Variants in EPC2 observed in about 807,000 individuals in gnomAD.
EPC2 encodes the protein enhancer of polycomb 2.
EPC2 carries 14 observed loss-of-function variants against 92.1 expected under a neutral mutation model. That is an observed-to-expected ratio of 0.15 (90% CI 0.10 to 0.24). The LOEUF (loss-of-function observed/expected upper bound fraction) is 0.24. EPC2 is among the 10% of genes least tolerant of loss of function. The pLI is 1.00. For missense variants in EPC2, 755 were observed against 971.5 expected (o/e 0.78, Z 2.96); for synonymous variants, 340 against 334.7 (o/e 1.02, Z -0.17).
At chr2:148,732,197 A>C (rs1341853460) in intron 2 of EPC2, among the ~76,000 whole-genome samples, 1 of 152,114 alleles carries the variant, frequency 6.6e-6, no homozygotes, top group Non-Finnish European at 1.5e-5. Flanking sequence ...CTATTATTCT[A>C]AGAAAATTAA....
At chr2:148,686,848 T>G (rs1310700678) in intron 1 of EPC2, among the ~76,000 whole-genome samples, 1 of 152,192 alleles carries the variant, frequency 6.6e-6, no homozygotes, top group African/African-American at 2.4e-5. Context: ...CAGAGTAGAT[T>G]TAGCGTATTC....
chr2:148,683,537 A>ATTAC (rs1681454579), intron 1 of EPC2, among the ~76,000 whole-genome samples: 2 of 152,136 alleles, frequency 1.3e-5, no homozygotes, highest in African/African-American at 4.8e-5. Context: ...AAATACTGGG[A>ATTAC]TTACAGCTGT....
chr2:148,700,213 TTTTTAA>T (rs1287663987), intron 2 of EPC2, among the ~76,000 whole-genome samples: 3 of 152,166 alleles, frequency 2.0e-5, no homozygotes, highest in African/African-American at 4.8e-5. Context: ...AGAGTGAAAG[TTTTTAA>T]TTTTAATGAA....
At chr2:148,777,532 TGTTA>T (rs1469697878) in intron 10 of EPC2, among the ~76,000 whole-genome samples, 3 of 102,876 alleles carry the variant, frequency 2.9e-5, no homozygotes, top group East Asian at 7.2e-4. Context: ...AAAAAATCTT[TGTTA>T]GTTAACAAAG....
chr2:148,673,331 C>T lies in EPC2; in HGVS notation c.154-16883C>T, dbSNP rs1288412272. Among the ~76,000 whole-genome samples, 3 of 152,150 alleles carry T rather than the reference C, an allele frequency of 2.0e-5. 1 individual carries two copies. On this transcript the variant is annotated intron_variant, in intron 1 of 13. Coordinates refer to ENST00000258484, the MANE Select transcript of EPC2 (RefSeq NM_015630.4). ...AGCTCCTATAATGTGTATATTGGTC[C>T]GCTTGATTGTATCCCATAAGTCCCT...
chr2:148,712,783 C>T (rs568106637), intron 2 of EPC2, among the ~76,000 whole-genome samples: 2 of 151,676 alleles, frequency 1.3e-5, no homozygotes, highest in East Asian at 1.9e-4. Context: ...CCCAGTAGGC[C>T]GAGGCAGGAG....
intron 1 of EPC2, among the ~76,000 whole-genome samples, chr2:148,667,828 G>A (rs535650451): frequency 3.3e-5 from 5 of 152,242 alleles, no homozygotes; most frequent in Admixed American, 2.6e-4. Flanking sequence ...TGAATTTTTG[G>A]AATGGATGTT....
chr2:148,762,277 T>C, intron 5 of EPC2: 1 of 186,184 alleles, frequency 5.4e-6, no homozygotes, highest in Non-Finnish European at 1.1e-5. Flanking sequence ...ATTGATTTTA[T>C]TTTCTGAGTA....
intron 1 of EPC2, among the ~76,000 whole-genome samples, chr2:148,677,513 A>C (rs979381310): frequency 1.3e-5 from 2 of 152,206 alleles, no homozygotes; most frequent in Non-Finnish European, 2.9e-5. Flanking sequence ...CATCTCTATA[A>C]AAAATTTTAA....
chr2:148,783,671 C>G lies in EPC2; in HGVS notation c.1932C>G (p.Val644=). 1 of 1,600,968 alleles carries G rather than the reference C, an allele frequency of 6.2e-7. No homozygotes were observed. Among genetic ancestry groups the G allele is most frequent in the South Asian group, 1.1e-5 (1 of 88,532 alleles). Residue 644 remains valine, a synonymous_variant, in exon 12 of 14, where the codon GTC becomes GTG. Coordinates refer to ENST00000258484, the MANE Select transcript of EPC2 (RefSeq NM_015630.4). The stretch of plus-strand genomic sequence containing the variant: ...CCCACTTTGCTGCATCTGCAGTGGT[C>G]AGTGCACCTGTTCCAAGTCGCAGTG... ...ASAHFAASAV[V]SAPVPSRSEV... is the part of the protein sequence containing the mutation.
chr2:148,684,892 A>G (rs768758048), intron 1 of EPC2, among the ~76,000 whole-genome samples: 3 of 152,228 alleles, frequency 2.0e-5, no homozygotes, highest in Non-Finnish European at 4.4e-5. Flanking sequence ...CCTTGCCAAC[A>G]CTTGGCATTA....
chr2:148,763,003 G>C (rs147895143), intron 6 of EPC2, among the ~76,000 whole-genome samples: 226 of 152,208 alleles, frequency 1.5e-3, no homozygotes, highest in Admixed American at 2.4e-3. Context: ...CTTAGAGATA[G>C]TTGTTGCATC....
At chr2:148,667,129 T>C (rs1490625714) in intron 1 of EPC2, among the ~76,000 whole-genome samples, 3 of 152,224 alleles carry the variant, frequency 2.0e-5, no homozygotes, top group Non-Finnish European at 4.4e-5. Flanking sequence ...TTCTGGTGTT[T>C]TAAGATACCA....
At chr2:148,739,295 A>G (rs2105403711) in intron 2 of EPC2, among the ~76,000 whole-genome samples, 1 of 152,266 alleles carries the variant, frequency 6.6e-6, no homozygotes, top group Non-Finnish European at 1.5e-5. Flanking sequence ...CTGGCCCATC[A>G]TTATGTGCCA....
intron 2 of EPC2, among the ~76,000 whole-genome samples, chr2:148,742,942 T>C (rs1011464682): frequency 2.6e-5 from 4 of 152,150 alleles, no homozygotes; most frequent in African/African-American, 9.6e-5. Context: ...TCTTTTTCTT[T>C]TTGTTCTTTG....
chr2:148,723,637 G>A (rs1682427046), intron 2 of EPC2, among the ~76,000 whole-genome samples: 1 of 152,150 alleles, frequency 6.6e-6, no homozygotes, highest in African/African-American at 2.4e-5. Flanking sequence ...AAGATGGGGT[G>A]GCAACTTCTA....
intron 12 of EPC2, 82 bp downstream of exon 12, chr2:148,783,838 CA>C: frequency 1.4e-6 from 2 of 1,392,858 alleles, no homozygotes; most frequent in Non-Finnish European, 2.0e-6. Flanking sequence ...TTTTTTTATC[CA>C]AGGGGAAAAT....
intron 2 of EPC2, among the ~76,000 whole-genome samples, chr2:148,717,807 G>A (rs1428934009): frequency 6.6e-6 from 1 of 151,942 alleles, no homozygotes; most frequent in African/African-American, 2.4e-5. Flanking sequence ...TCTTTTAATT[G>A]TCTTTCTCTA....
At chr2:148,769,310 T>A in intron 8 of EPC2, 70 bp downstream of exon 8, 1 of 1,065,080 alleles carries the variant, frequency 9.4e-7, no homozygotes, top group Non-Finnish European at 1.4e-6. Flanking sequence ...TCAAGATGAC[T>A]TAGTCTTGAT....
Sources: allele counts gnomAD v4.1 joint callset (sites outside exome capture counted in the v4.1 genomes callset), GRCh38; gene constraint gnomAD v4.1.1; transcripts MANE v1.5; gene names NCBI Gene and HGNC (gene_info 2026-07-23, HGNC 2026-07-21).